EPB41L5: variants seen among roughly 807,000 people sequenced by gnomAD.
EPB41L5 encodes band 4.1-like protein 5.
EPB41L5 carries 55 observed loss-of-function variants against 106.6 expected under a neutral mutation model. The ratio of observed to expected loss-of-function variants is 0.52; its 90% CI spans 0.42 to 0.65. The LOEUF is 0.65. EPB41L5 is among the 30% of genes least tolerant of loss of function. The pLI, the probability that EPB41L5 is intolerant of heterozygous loss-of-function variation, is 0.00. For missense variants in EPB41L5, 871 were observed against 882.1 expected (o/e 0.99, Z 0.16); for synonymous variants, 297 against 306.7 (o/e 0.97, Z 0.33).
intron 14 of EPB41L5, among the ~76,000 whole-genome samples, chr2:120,099,167 T>A (rs1485804306): frequency 1.3e-5 from 2 of 152,222 alleles, no homozygotes; most frequent in African/African-American, 4.8e-5. Context: ...GGAATTTTTT[T>A]ATATTTTTGA....
intron 2 of EPB41L5, among the ~76,000 whole-genome samples, chr2:120,020,007 G>A (rs1282170384): frequency 6.6e-6 from 1 of 152,056 alleles, no homozygotes; most frequent in Non-Finnish European, 1.5e-5. Context: ...GACTTTTTGG[G>A]TGGAGGAGGG....
At chr2:120,070,653 T>G (rs1681797711) in intron 3 of EPB41L5, among the ~76,000 whole-genome samples, 1 of 152,164 alleles carries the variant, frequency 6.6e-6, no homozygotes, top group South Asian at 2.1e-4. Context: ...TCAAATCAGC[T>G]TCATCCCTGG....
At position 120,134,851 on chromosome 2, in the gene EPB41L5, CCA is replaced by C. The variant is rs1326783943; in HGVS notation, c.1599+3137_1599+3138del. Reference sequence around the variant, plus strand: ...TTAAGACAGATGGGTAGAAACAAGCCCAGACTGCAGAGATTACAATAAATACC... The same window carrying C: ...TTAAGACAGATGGGTAGAAACAAGCCGACTGCAGAGATTACAATAAATACC... On this transcript the variant is annotated intron_variant, in intron 18 of 24. Transcript: ENST00000263713. Among the ~76,000 whole-genome samples, 3 of 152,126 alleles carry C rather than the reference CCA, an allele frequency of 2.0e-5. No homozygotes were observed. In the East Asian group the frequency reaches 5.8e-4, roughly 29 times the overall value.
In EPB41L5 at chr2:120,017,515, A is replaced by T. The variant is rs1677604825; in HGVS notation, c.-8-1562A>T. On this transcript the variant is annotated intron_variant, in intron 1 of 24. Coordinates refer to ENST00000263713, the MANE Select transcript of EPB41L5 (RefSeq NM_020909.4). ...TCTCTTTGTTGTGCAAATGAAACAC[A>T]TGAGGATAGCAAAGTGACTTTGATT... Among the ~76,000 whole-genome samples the T allele has an allele frequency of 2.0e-5, 3 of 152,334 alleles. No homozygotes were observed. The South Asian group carries it at 6.2e-4, about 32-fold the overall frequency.
rs184670391 is a variant in EPB41L5, at chr2:120,071,541, A to T, written c.286-1637A>T. Among the ~76,000 whole-genome samples, 36 of 152,350 alleles carry T rather than the reference A, an allele frequency of 2.4e-4. No individual in the cohort carries two copies. The East Asian group carries it at 4.6e-3, about 20-fold the overall frequency. ...TGACTTCAAACTATACTACAAGGCT[A>T]CAGTAACCAAAACAACATGGTGCTG... On this transcript the variant is annotated intron_variant, in intron 3 of 24. Coordinates refer to ENST00000263713, the MANE Select transcript of EPB41L5 (RefSeq NM_020909.4).
At chr2:120,018,925 C>T (rs894651248) in intron 1 of EPB41L5, among the ~76,000 whole-genome samples, 152 bp from the exon 2 acceptor site, 5 of 152,112 alleles carry the variant, frequency 3.3e-5, no homozygotes, top group Non-Finnish European at 7.4e-5. Context: ...AGATTGCAGG[C>T]GTGAGTCACT....
intron 16 of EPB41L5, among the ~76,000 whole-genome samples, chr2:120,111,748 G>A (rs1311602222): frequency 6.6e-6 from 1 of 151,938 alleles, no homozygotes; most frequent in Non-Finnish European, 1.5e-5. Context: ...ACTCCTTTCA[G>A]CAGCTGTAGT....
intron 16 of EPB41L5, among the ~76,000 whole-genome samples, chr2:120,101,887 G>T (rs1455797008): frequency 2.6e-5 from 4 of 152,066 alleles, no homozygotes; most frequent in Non-Finnish European, 5.9e-5. Flanking sequence ...TTCTACATGG[G>T]TATGTGGTGG....
At chr2:120,173,284 G>A (rs1687768654) in intron 24 of EPB41L5, among the ~76,000 whole-genome samples, 1 of 152,204 alleles carries the variant, frequency 6.6e-6, no homozygotes, top group Admixed American at 6.5e-5. Flanking sequence ...TGGGGAGAGG[G>A]TGGAAGAAAG....
chr2:120,170,934 G>C (rs894124821), intron 24 of EPB41L5, among the ~76,000 whole-genome samples: 1 of 152,208 alleles, frequency 6.6e-6, no homozygotes, highest in Non-Finnish European at 1.5e-5. Context: ...GATTACAGAG[G>C]TGTATTCAAT....
intron 24 of EPB41L5, among the ~76,000 whole-genome samples, chr2:120,171,548 G>T (rs1264589254): frequency 6.6e-6 from 1 of 152,178 alleles, no homozygotes; most frequent in Non-Finnish European, 1.5e-5. Context: ...ACACACTGAA[G>T]GGTGAAATTT....
chr2:120,105,582 A>C, intron 16 of EPB41L5: 1 of 985,380 alleles, frequency 1.0e-6, no homozygotes, highest in Non-Finnish European at 1.2e-6. Flanking sequence ...TGAAATTTGT[A>C]GGCAGGTTTC....
At chr2:120,139,628 A>G (rs1686084224) in intron 18 of EPB41L5, among the ~76,000 whole-genome samples, 1 of 152,138 alleles carries the variant, frequency 6.6e-6, no homozygotes, top group Non-Finnish European at 1.5e-5. Context: ...CTCCAGTGAG[A>G]TATCATCTCA....
At chr2:120,027,582 T>G (rs1678414953) in intron 2 of EPB41L5, among the ~76,000 whole-genome samples, 1 of 152,140 alleles carries the variant, frequency 6.6e-6, no homozygotes, top group African/African-American at 2.4e-5. Flanking sequence ...GGACTTTCTT[T>G]TTTTTAGGGA....
intron 3 of EPB41L5, among the ~76,000 whole-genome samples, chr2:120,066,607 G>GA (rs1681459602): frequency 6.6e-6 from 1 of 152,188 alleles, no homozygotes; most frequent in Non-Finnish European, 1.5e-5. Context: ...TCTAGGTGTA[G>GA]AATTGCTGGG....
chr2:120,155,198 GA>G (rs1219117598), intron 20 of EPB41L5, among the ~76,000 whole-genome samples: 2 of 152,150 alleles, frequency 1.3e-5, no homozygotes, highest in Non-Finnish European at 2.9e-5. Context: ...CTACCTGTAA[GA>G]AACTTTCTTG....
rs192124976 is a variant in EPB41L5 at position 120,054,194 on chromosome 2, T to G, written c.285+12084T>G. On this transcript the variant is annotated intron_variant, in intron 3 of 24. Transcript: ENST00000263713. ...TCTTTTCATGTGCTTGTTTGCCGTTTGTGTATCTTCTTTGGAGAAATGTCT... is the reference window on the plus strand; with the variant it reads ...TCTTTTCATGTGCTTGTTTGCCGTTGGTGTATCTTCTTTGGAGAAATGTCT... 1.4e-4 allele frequency among the ~76,000 whole-genome samples: 21 copies of G among 152,380 alleles called. No homozygotes were observed. The East Asian group carries it at 3.7e-3, about 27-fold the overall frequency.
At chr2:120,048,445 G>A (rs538264205) in intron 3 of EPB41L5, among the ~76,000 whole-genome samples, 10 of 152,202 alleles carry the variant, frequency 6.6e-5, no homozygotes, top group African/African-American at 1.2e-4. Context: ...GTTTATTTGC[G>A]TAGAGGTGTT....
At chr2:120,078,830 T>C (rs1682430981) in intron 10 of EPB41L5, among the ~76,000 whole-genome samples, 1 of 152,182 alleles carries the variant, frequency 6.6e-6, no homozygotes. Context: ...TAAATATTTA[T>C]ATTTTTATAT....
Sources: allele counts gnomAD v4.1 joint callset (sites outside exome capture counted in the v4.1 genomes callset), GRCh38; gene constraint gnomAD v4.1.1; transcripts MANE v1.5; gene names NCBI Gene and HGNC (gene_info 2026-07-23, HGNC 2026-07-21).